The following FER1L6 variants were observed in gnomAD, a reference collection of about 807,000 sequenced individuals.
FER1L6 encodes fer-1-like protein 6.
FER1L6 carries 177 observed loss-of-function variants against 219.2 expected under a neutral mutation model. The ratio of observed to expected loss-of-function variants is 0.81; its 90% CI spans 0.71 to 0.91. The LOEUF (loss-of-function observed/expected upper bound fraction) is 0.91. FER1L6 is among the 40% of genes least tolerant of loss of function. The pLI is 0.00. For missense variants in FER1L6, 2,153 were observed against 2,259.9 expected, an observed-to-expected ratio of 0.95 and a Z score of 0.96; for synonymous variants, 768 against 824.3, an observed-to-expected ratio of 0.93 and a Z score of 1.17.
chr8:123,898,275 A>G (rs565194199), intron 1 of FER1L6, among the ~76,000 whole-genome samples: 19 of 152,228 alleles, frequency 1.2e-4, no homozygotes, highest in African/African-American at 4.6e-4. Context: ...AATTATTTAA[A>G]TAAAGTTGAA....
chr8:124,028,334 A>G (rs1390056689), intron 18 of FER1L6, among the ~76,000 whole-genome samples: 5 of 152,318 alleles, frequency 3.3e-5, no homozygotes, highest in Admixed American at 6.5e-5. Context: ...TGATAAGATG[A>G]TTCAGCGAGA....
chr8:123,958,596 G>C (rs1298559698), intron 2 of FER1L6, among the ~76,000 whole-genome samples: 2 of 152,060 alleles, frequency 1.3e-5, no homozygotes, highest in Non-Finnish European at 2.9e-5. Context: ...AAACATCTTT[G>C]TAAAACGTCC....
Position 124,085,181 on chromosome 8 carries a change from C to T in FER1L6, c.4391+2723C>T, listed in dbSNP as rs530367065. ...TTAGGAGGTCTCCCATTTTTCTTAG[C>T]CTAGCTAAAGAGTTGCCAATTTTGT... is the stretch of plus-strand genomic sequence containing the variant. On this transcript the variant is annotated intron_variant, in intron 33 of 40. Coordinates refer to ENST00000522917, the MANE Select transcript of FER1L6 (RefSeq NM_001039112.2). Among the ~76,000 whole-genome samples, 46 of 152,056 alleles carry T rather than the reference C, an allele frequency of 3.0e-4. No homozygotes were observed. The South Asian group carries it at 6.5e-3, about 21-fold the overall frequency.
intron 32 of FER1L6, among the ~76,000 whole-genome samples, chr8:124,081,229 T>C (rs1387608158): frequency 1.3e-5 from 2 of 152,202 alleles, no homozygotes; most frequent in African/African-American, 4.8e-5. Flanking sequence ...TGGAGAATAC[T>C]GCTGTGTCCT....
intron 1 of FER1L6, among the ~76,000 whole-genome samples, chr8:123,949,062 C>A (rs1388157388): frequency 6.6e-6 from 1 of 152,132 alleles, no homozygotes; most frequent in Non-Finnish European, 1.5e-5. Context: ...TCTGTTTCCC[C>A]AGTCATTCTT....
At position 123,975,888 on chromosome 8, in the gene FER1L6, T is replaced by G; in HGVS notation, c.684-10T>G. The stretch of plus-strand genomic sequence containing the variant: ...GAGAGCTTTTTCATTTGTTTTTGTC[T>G]CCCTCTAAGGAACCTTTTGATCCCC... On this transcript the variant is annotated splice_polypyrimidine_tract_variant and intron_variant, in intron 8 of 40. Coordinates refer to ENST00000522917, the MANE Select transcript of FER1L6 (RefSeq NM_001039112.2). 6.6e-7 allele frequency: 1 copy of G among 1,525,162 alleles called. No homozygotes were observed. Among genetic ancestry groups the G allele is most frequent in the South Asian group, 1.3e-5 (1 of 74,834 alleles). 94.5% of individuals were successfully genotyped at this position (1,525,162 alleles called of 1,614,324 possible).
chr8:124,080,058 T>C (rs1222058716), intron 32 of FER1L6, among the ~76,000 whole-genome samples: 1 of 152,206 alleles, frequency 6.6e-6, no homozygotes, highest in African/African-American at 2.4e-5. Flanking sequence ...GCCTGGCACA[T>C]AGTAGACACA....
chr8:124,114,895 G>GTATATATATATATATATATATA (rs71289637), intron 39 of FER1L6, among the ~76,000 whole-genome samples: 1 of 90,050 alleles, frequency 1.1e-5, no homozygotes, highest in Non-Finnish European at 2.3e-5. Flanking sequence ...GTGTGTGTGC[G>GTATATATATATATATATATATA]TATATATATA....
At chr8:124,099,310 A>G (rs1822448199) in intron 37 of FER1L6, among the ~76,000 whole-genome samples, 1 of 151,044 alleles carries the variant, frequency 6.6e-6, no homozygotes, top group African/African-American at 2.4e-5. Context: ...AGCACCTCAA[A>G]CTGAACAAGT....
chr8:123,943,799 T>C (rs1017210479), intron 1 of FER1L6, among the ~76,000 whole-genome samples: 1 of 151,912 alleles, frequency 6.6e-6, no homozygotes, highest in Non-Finnish European at 1.5e-5. Flanking sequence ...ACCTGGGCCA[T>C]CATGGATGAG....
At chr8:124,076,392 G>T in intron 32 of FER1L6, 67 bp downstream of exon 32, 2 of 1,492,548 alleles carry the variant, frequency 1.3e-6, no homozygotes, top group East Asian at 2.3e-5. Context: ...TTTCTGTGGG[G>T]ATAGTGCGTG....
intron 33 of FER1L6, 70 bp downstream of exon 33, chr8:124,082,528 G>T: frequency 7.0e-7 from 1 of 1,419,950 alleles, no homozygotes; most frequent in Non-Finnish European, 9.7e-7. Flanking sequence ...TCCAGACTCT[G>T]CATCCCAGTT....
At chr8:124,091,722 T>A in intron 34 of FER1L6, 139 bp downstream of exon 34, 1 of 861,232 alleles carries the variant, frequency 1.2e-6, no homozygotes, top group Non-Finnish European at 1.8e-6. Flanking sequence ...ATCCCAGCAC[T>A]ATGGGAGGCT....
intron 1 of FER1L6, among the ~76,000 whole-genome samples, chr8:123,886,418 G>T (rs1460316345): frequency 6.6e-6 from 1 of 152,132 alleles, no homozygotes; most frequent in African/African-American, 2.4e-5. Context: ...ATAAAGGATG[G>T]AAGTGCTTCA....
At chr8:124,082,487 G>A in intron 33 of FER1L6, 29 bp downstream of exon 33, 1 of 1,604,702 alleles carries the variant, frequency 6.2e-7, no homozygotes, top group Non-Finnish European at 8.5e-7. Context: ...GGAGACACTT[G>A]GTATTCTGAA....
chr8:123,866,009 C>G lies in FER1L6; in HGVS notation c.-8+13824C>G, dbSNP rs184946658. On this transcript the variant is annotated intron_variant, in intron 1 of 40. Coordinates refer to ENST00000522917, the MANE Select transcript of FER1L6 (RefSeq NM_001039112.2). ...TTCGGCCATCTTGGCTCCTCCCCCC[C>G]ACATTTTCTTAATCCAGTCTATCAC... is the stretch of plus-strand genomic sequence containing the variant. Among the ~76,000 whole-genome samples, 3 of 151,406 alleles carry G rather than the reference C, an allele frequency of 2.0e-5. 1 individual carries two copies. Among genetic ancestry groups the G allele is most frequent in the South Asian group, 4.2e-4 (2 of 4,814 alleles).
intron 32 of FER1L6, among the ~76,000 whole-genome samples, chr8:124,079,738 G>C (rs995789964): frequency 5.3e-5 from 8 of 152,226 alleles, no homozygotes; most frequent in Admixed American, 5.2e-4. Context: ...TTGCCTGTAT[G>C]ATGAATGCTA....
intron 12 of FER1L6, among the ~76,000 whole-genome samples, chr8:123,988,700 T>C (rs891799514): frequency 6.6e-6 from 1 of 152,228 alleles, no homozygotes; most frequent in African/African-American, 2.4e-5. Context: ...ACTGAATTTG[T>C]TTATCAGTTC....
intron 1 of FER1L6, among the ~76,000 whole-genome samples, chr8:123,933,492 G>T (rs945814189): frequency 1.3e-5 from 2 of 152,040 alleles, no homozygotes; most frequent in African/African-American, 2.4e-5. Context: ...TCAGTGTCTG[G>T]CACGTAGCAA....
Sources: allele counts gnomAD v4.1 joint callset (sites outside exome capture counted in the v4.1 genomes callset), GRCh38; gene constraint gnomAD v4.1.1; transcripts MANE v1.5; gene names NCBI Gene and HGNC (gene_info 2026-07-23, HGNC 2026-07-21).